The following CMSS1 variants were observed in gnomAD, a reference collection of about 807,000 sequenced individuals.
CMSS1 encodes the protein protein CMSS1.
In CMSS1, 33 loss-of-function variants were observed where a neutral mutation model predicts 43.5. The observed-to-expected ratio is 0.76, with a 90% CI of 0.57 to 1.01. The LOEUF (loss-of-function observed/expected upper bound fraction) is 1.01. Among genes scored for constraint, CMSS1 ranks in the 50% least tolerant of loss-of-function variants. The probability of loss-of-function intolerance (pLI) is 0.00; values close to 1 mark genes in which losing one functional copy is unlikely to be tolerated. For synonymous variants in CMSS1, 115 were observed against 117.2 expected, an observed-to-expected ratio of 0.98 and a Z score of 0.12; for missense variants, 313 against 326.4, an observed-to-expected ratio of 0.96 and a Z score of 0.32.
chr3:99,848,900 T>C (rs773611925), intron 1 of CMSS1: 1 of 1,614,152 alleles, frequency 6.2e-7, no homozygotes, highest in Non-Finnish European at 8.5e-7. Context: ...GAGTGAGGAC[T>C]CTCTGTGGTT....
chr3:100,122,163 A>T (rs1340994939), intron 1 of CMSS1, among the ~76,000 whole-genome samples: 1 of 152,220 alleles, frequency 6.6e-6, no homozygotes, highest in South Asian at 2.1e-4. Flanking sequence ...ACCCTGAGCA[A>T]ATCAGGAGGT....
intron 1 of CMSS1, among the ~76,000 whole-genome samples, chr3:100,055,810 C>T (rs567794004): frequency 9.2e-5 from 14 of 152,204 alleles, no homozygotes; most frequent in Middle Eastern, 3.4e-3. Flanking sequence ...TAATATTGTA[C>T]ACATTCTTTC....
chr3:100,137,989 CA>C (rs2066770236), intron 1 of CMSS1, among the ~76,000 whole-genome samples: 1 of 152,186 alleles, frequency 6.6e-6, no homozygotes, highest in African/African-American at 2.4e-5. Context: ...GGTACAAAAA[CA>C]GACATATAGT....
intron 1 of CMSS1, among the ~76,000 whole-genome samples, chr3:100,065,523 G>T (rs184899415): frequency 6.6e-6 from 1 of 152,192 alleles, no homozygotes; most frequent in Non-Finnish European, 1.5e-5. Flanking sequence ...AGAAACTATT[G>T]TCAACCACAT....
chr3:99,867,783 A>G (rs374091906), intron 1 of CMSS1, among the ~76,000 whole-genome samples: 1 of 152,174 alleles, frequency 6.6e-6, no homozygotes, highest in South Asian at 2.1e-4. Flanking sequence ...AAGAGATTTT[A>G]TGGCTCATCA....
At chr3:99,833,371 A>G in intron 1 of CMSS1, 2 of 865,864 alleles carry the variant, frequency 2.3e-6, no homozygotes, top group Non-Finnish European at 3.7e-6. Flanking sequence ...AATCTAGAAG[A>G]CTCCCTGGTT....
At chr3:100,105,147 A>G (rs899406369) in intron 1 of CMSS1, among the ~76,000 whole-genome samples, 9 of 152,250 alleles carry the variant, frequency 5.9e-5, no homozygotes, top group African/African-American at 2.2e-4. Context: ...CTTTCCTCTA[A>G]CAGCATACAA....
intron 1 of CMSS1, among the ~76,000 whole-genome samples, chr3:100,027,600 C>T (rs971160852): frequency 6.6e-6 from 1 of 152,220 alleles, no homozygotes; most frequent in African/African-American, 2.4e-5. Context: ...TGCTCAACTT[C>T]GATACATGCT....
intron 1 of CMSS1, among the ~76,000 whole-genome samples, chr3:99,838,826 T>C (rs1208745516): frequency 6.6e-6 from 1 of 152,146 alleles, no homozygotes; most frequent in Non-Finnish European, 1.5e-5. Flanking sequence ...AAAATAATAT[T>C]GTATAATGGA....
At chr3:99,933,038 T>C (rs1367495706) in intron 1 of CMSS1, among the ~76,000 whole-genome samples, 1 of 152,206 alleles carries the variant, frequency 6.6e-6, no homozygotes, top group Non-Finnish European at 1.5e-5. Context: ...GTAGGGAATA[T>C]TATTATCTCC....
At chr3:99,892,935 CA>C (rs1706131479) in intron 1 of CMSS1, among the ~76,000 whole-genome samples, 1 of 152,082 alleles carries the variant, frequency 6.6e-6, no homozygotes, top group Non-Finnish European at 1.5e-5. Flanking sequence ...TTTTTCTTCA[CA>C]AAGAAGATGA....
chr3:99,912,228 GAAAGA>G (rs1386678332), intron 1 of CMSS1, among the ~76,000 whole-genome samples: 1 of 152,136 alleles, frequency 6.6e-6, no homozygotes, highest in Non-Finnish European at 1.5e-5. Flanking sequence ...TATTTTAAGT[GAAAGA>G]AAACAGGGAC....
intron 1 of CMSS1, among the ~76,000 whole-genome samples, chr3:99,978,588 C>T (rs964666258): frequency 6.6e-5 from 10 of 152,144 alleles, no homozygotes; most frequent in South Asian, 2.1e-4. Context: ...CTAAAAAAGT[C>T]GATCTCATAG....
chr3:100,011,361 C>T lies in CMSS1; in HGVS notation c.65-135612C>T, dbSNP rs71313583. Among the ~76,000 whole-genome samples the T allele has an allele frequency of 2.6e-5, 4 of 152,114 alleles. No individual in the cohort carries two copies. In the East Asian group the frequency reaches 5.8e-4, roughly 22 times the overall value. ...CCTCCCAGCATCATGCCATGCCCAG[C>T]GTGTTTCTTGAGTAGTACTTGCATT... is the stretch of plus-strand genomic sequence containing the variant. On this transcript the variant is annotated intron_variant, in intron 1 of 9. Transcript: ENST00000421999.
intron 1 of CMSS1, among the ~76,000 whole-genome samples, chr3:100,012,761 CTTTT>C (rs35737304): frequency 2.1e-5 from 2 of 93,578 alleles, no homozygotes; most frequent in African/African-American, 3.6e-5. Context: ...GAAGCATATT[CTTTT>C]TTTTTTTTTT....
At chr3:99,859,672 G>T (rs573108295) in intron 1 of CMSS1, among the ~76,000 whole-genome samples, 4 of 152,052 alleles carry the variant, frequency 2.6e-5, no homozygotes, top group Non-Finnish European at 5.9e-5. Flanking sequence ...ACTGTGTTGC[G>T]TTGATAGTAG....
intron 1 of CMSS1, among the ~76,000 whole-genome samples, chr3:99,875,711 A>G (rs958749699): frequency 6.6e-6 from 1 of 152,190 alleles, no homozygotes; most frequent in African/African-American, 2.4e-5. Flanking sequence ...TTGAGTCCGG[A>G]GGAGAGATAG....
chr3:99,963,721 A>G (rs981899108), intron 1 of CMSS1, among the ~76,000 whole-genome samples: 2 of 151,854 alleles, frequency 1.3e-5, no homozygotes, highest in African/African-American at 4.8e-5. Context: ...GGTTCGAGCA[A>G]TTCTCCTGTC....
intron 1 of CMSS1, among the ~76,000 whole-genome samples, chr3:99,936,982 G>T (rs1198316860): frequency 6.6e-6 from 1 of 152,036 alleles, no homozygotes; most frequent in Admixed American, 6.5e-5. Flanking sequence ...TTGTTACTCA[G>T]GCTGGAGTGC....
Sources: gnomAD v4.1 joint callset for allele counts (sites outside exome capture counted in the v4.1 genomes callset) on GRCh38, gnomAD v4.1.1 for gene constraint, MANE v1.5 for transcripts, NCBI Gene and HGNC (gene_info 2026-07-23, HGNC 2026-07-21) for gene names.